The following ZNF587B variants were observed in gnomAD, a reference collection of about 807,000 sequenced individuals.
ZNF587B encodes zinc finger protein 587B.
ZNF587B carries 6 observed loss-of-function variants against 7.2 expected under a neutral mutation model. The ratio of observed to expected loss-of-function variants is 0.83; its 90% CI spans 0.46 to 1.65. The LOEUF is 1.65. Among genes scored for constraint, ZNF587B ranks in the 40% most tolerant of loss-of-function variants. ZNF587B has a pLI of 0.01. For synonymous variants in ZNF587B, 274 were observed against 254.3 expected (o/e 1.08, Z -0.74); for missense variants, 749 against 761.0 (o/e 0.98, Z 0.19).
At chr19:57,836,611 C>T (rs1988617350) in intron 1 of ZNF587B, among the ~76,000 whole-genome samples, 1 of 152,150 alleles carries the variant, frequency 6.6e-6, no homozygotes, top group Non-Finnish European at 1.5e-5. Flanking sequence ...CCACTTCGAC[C>T]TCTCAGAGTG....
At position 57,843,860 on chromosome 19, in the gene ZNF587B, A is replaced by G. The variant is rs1319554032; in HGVS notation, c.*1284A>G. ...CGTGATCCACCTGCCTTGGCCTCCC[A>G]AAGTGCTGGGATTACAGTGTGAGCC... is the stretch of plus-strand genomic sequence containing the variant. On this transcript the variant is annotated 3_prime_UTR_variant, in exon 3 of 3. Coordinates refer to ENST00000594901, the MANE Select transcript of ZNF587B (RefSeq NM_001376223.1). Among the ~76,000 whole-genome samples, 1 of 151,972 alleles carries G rather than the reference A, an allele frequency of 6.6e-6. No homozygotes were observed. Among genetic ancestry groups the G allele is most frequent in the African/African-American group, 2.4e-5 (1 of 41,392 alleles).
At position 57,841,305 on chromosome 19, in the gene ZNF587B, G is replaced by T. The variant is rs754356305; in HGVS notation, c.631G>T (p.Gly211Ter). 6.2e-7 allele frequency: 1 copy of T among 1,613,650 alleles called. No individual in the cohort carries two copies. Among genetic ancestry groups the T allele is most frequent in the Non-Finnish European group, 8.5e-7 (1 of 1,179,780 alleles). Residue 211 changes from glycine (G) to a stop codon, truncating the protein, a stop_gained, in exon 3 of 3, where the codon GGA becomes TGA. Coordinates refer to ENST00000594901, the MANE Select transcript of ZNF587B (RefSeq NM_001376223.1). LOFTEE classifies it low-confidence loss of function (END_TRUNC). ...GTGTGTGTCTCCCTTTCAGTGTGGG[G>T]GAGCTCACTATAGCCATGGAGATTC... ...TECVSPFQCG[G>*]AHYSHGDSMK...
rs745311392 is a variant in ZNF587B, at chr19:57,839,024, G to C, written c.38G>C (p.Gly13Ala). ...TTTCATCTGTCAACATCATAACAGG[G>C]CACAGTGACTTTTGAAGACGTGGCT... Reference protein sequence around the residue: ...VVATLRLSAQGTVTFEDVAVK... With the variant: ...VVATLRLSAQATVTFEDVAVK... The change falls in exon 2 of 3, where the codon GGC becomes GCC. Residue 13 changes from glycine (G) to alanine (A), a missense_variant and splice_region_variant. Gly to Ala is a moderately conservative substitution (Grantham distance 60). Transcript: ENST00000594901. 25 of 1,613,822 alleles carry C rather than the reference G, an allele frequency of 1.5e-5. No homozygotes were observed. The highest frequency in any genetic ancestry group is 1.6e-4 in the Middle Eastern group (1 of 6,084).
At position 57,838,892 on chromosome 19, in the gene ZNF587B, A is replaced by G. The variant is rs1988733884; in HGVS notation, c.37-131A>G. On this transcript the variant is annotated intron_variant, in intron 1 of 2. Coordinates refer to ENST00000594901, the MANE Select transcript of ZNF587B (RefSeq NM_001376223.1). ...TTGTTGGTGGCTGTACCCCATGACC[A>G]GTGGGCCTAGTTTCTCCTATGTTTG... The G allele has an allele frequency of 3.7e-6, 5 of 1,348,578 alleles. No homozygotes were observed. In the South Asian group the frequency reaches 6.8e-5, roughly 18 times the overall value. The allele number at this position is 1,348,578 out of a possible 1,614,324, so 83.5% of individuals were successfully genotyped here.
chr19:57,842,446 C>T lies in ZNF587B; in HGVS notation c.1772C>T (p.Ser591Phe), dbSNP rs1988898944. ...TGTGGGAAATCTTTTGCTGGAATCT[C>T]CAGTCTCACTAATCACAGGAGAGTT... The part of the protein sequence containing the change: ...SECGKSFAGI[S>F]SLTNHRRVHT... Residue 591 changes from serine (S) to phenylalanine (F), a missense_variant, in exon 3 of 3, where the codon TCC (serine) becomes TTC (phenylalanine). By Grantham distance (155) the Ser-to-Phe change is radical. This residue lies in a region of ZNF587B where 656 missense variants were observed against 596.5 expected (regional missense o/e 1.10). Transcript: ENST00000594901. 4 of 1,602,722 alleles carry T rather than the reference C, an allele frequency of 2.5e-6. No homozygotes were observed. Among genetic ancestry groups the T allele is most frequent in the South Asian group, 1.1e-5 (1 of 89,068 alleles).
chr19:57,842,407 A>C lies in ZNF587B; in HGVS notation c.1733A>C (p.Tyr578Ser). ...AGAGTTCACACTGGTCAGAAGCCTT[A>C]TGAGTGCAGTGAATGTGGGAAATCT... Reference protein sequence around the residue: ...HRRVHTGQKPYECSECGKSFA... With the variant: ...HRRVHTGQKPSECSECGKSFA... The change falls in exon 3 of 3, where the codon TAT (tyrosine) becomes TCT (serine). Residue 578 changes from tyrosine (Y) to serine (S), a missense_variant. By Grantham distance (144) the Tyr-to-Ser change is moderately radical. This residue lies in a region of ZNF587B where 656 missense variants were observed against 596.5 expected (regional missense o/e 1.10). Coordinates refer to ENST00000594901, the MANE Select transcript of ZNF587B (RefSeq NM_001376223.1). The C allele has an allele frequency of 7.5e-6, 12 of 1,600,892 alleles. No individual in the cohort carries two copies. The highest frequency in any genetic ancestry group is 1.0e-5 in the Non-Finnish European group (12 of 1,174,688).
In ZNF587B at chr19:57,841,618, G is replaced by T; in HGVS notation, c.944G>T (p.Arg315Leu). 4.4e-6 allele frequency: 7 copies of T among 1,588,208 alleles called. No homozygotes were observed. Among genetic ancestry groups the T allele is most frequent in the Non-Finnish European group, 6.0e-6 (7 of 1,167,080 alleles). Reference protein sequence around the residue: ...KYFSLEGYLRRHQKVHAGKGP... With the variant: ...KYFSLEGYLRLHQKVHAGKGP... ...TTTAGCTTAGAAGGATATCTTAGGCGCCATCAAAAAGTTCACGCTGGAAAA... is the reference window on the plus strand; with the variant it reads ...TTTAGCTTAGAAGGATATCTTAGGCTCCATCAAAAAGTTCACGCTGGAAAA... The change falls in exon 3 of 3, where the codon CGC (arginine) becomes CTC (leucine). Residue 315 changes from arginine (R) to leucine (L), a missense_variant. Arg to Leu is a moderately radical substitution (Grantham distance 102). Around this residue, in one of 3 missense-constraint regions of ZNF587B, gnomAD observed 656 missense variants for 596.5 expected, o/e 1.10. Coordinates refer to ENST00000594901, the MANE Select transcript of ZNF587B (RefSeq NM_001376223.1).
intron 1 of ZNF587B, among the ~76,000 whole-genome samples, chr19:57,831,215 C>G (rs1405295981): frequency 2.6e-5 from 4 of 152,086 alleles, no homozygotes; most frequent in Non-Finnish European, 4.4e-5. Flanking sequence ...CTGTCTGGCT[C>G]TCTTATGTAA....
Position 57,844,355 on chromosome 19 carries a change from T to C in ZNF587B, c.*1779T>C, listed in dbSNP as rs771514574. On this transcript the variant is annotated 3_prime_UTR_variant, in exon 3 of 3. Transcript: ENST00000594901. ...CTGTCTCTTCTAAAAATATAAAAATTAGCCGGGCATGGTGGCGCACCTGTA... is the reference window on the plus strand; with the variant it reads ...CTGTCTCTTCTAAAAATATAAAAATCAGCCGGGCATGGTGGCGCACCTGTA... 1.8e-5 allele frequency: 5 copies of C among 278,968 alleles called. No homozygotes were observed. The highest frequency in any genetic ancestry group is 1.0e-4 in the Admixed American group (2 of 19,746). 17.3% of individuals were successfully genotyped at this position (278,968 alleles called of 1,614,324 possible). A position where few individuals can be genotyped will look rare whatever the true frequency, so the allele number is the denominator to read the frequency against.
chr19:57,841,643 A>G lies in ZNF587B; in HGVS notation c.969A>G (p.Lys323=), dbSNP rs368797077. The change falls in exon 3 of 3, where the codon AAA becomes AAG. Residue 323 remains lysine, a synonymous_variant. Coordinates refer to ENST00000594901, the MANE Select transcript of ZNF587B (RefSeq NM_001376223.1). ...LRRHQKVHAG[K]GPYECGECGK... is the part of the protein sequence containing the mutation. ...GCCATCAAAAAGTTCACGCTGGAAA[A>G]GGGCCTTATGAGTGTGGAGAATGTG... 23 of 1,600,198 alleles carry G rather than the reference A, an allele frequency of 1.4e-5. No homozygotes were observed. The African/African-American group carries it at 3.1e-4, about 21-fold the overall frequency.
At position 57,830,409 on chromosome 19, in the gene ZNF587B, C is replaced by T; in HGVS notation, c.-120C>T. The T allele has an allele frequency of 1.8e-6, 2 of 1,092,604 alleles. No individual in the cohort carries two copies. Among genetic ancestry groups the T allele is most frequent in the East Asian group, 2.6e-5 (1 of 38,622 alleles). 67.7% of individuals were successfully genotyped at this position (1,092,604 alleles called of 1,614,324 possible). On this transcript the variant is annotated 5_prime_UTR_variant, in exon 1 of 3. Transcript: ENST00000594901. ...TGTCCTCTGCTGCACAGAGGCGACTCTGGAGCTCTGTGACGGCGCCAAGCG... is the reference window on the plus strand; with the variant it reads ...TGTCCTCTGCTGCACAGAGGCGACTTTGGAGCTCTGTGACGGCGCCAAGCG...
At chr19:57,831,543 C>T (rs1291100342) in intron 1 of ZNF587B, among the ~76,000 whole-genome samples, 1 of 151,696 alleles carries the variant, frequency 6.6e-6, no homozygotes, top group Non-Finnish European at 1.5e-5. Flanking sequence ...CAGGCATGCG[C>T]CACTGCACCT....
chr19:57,831,866 G>T (rs540662800), intron 1 of ZNF587B, among the ~76,000 whole-genome samples: 61 of 151,626 alleles, frequency 4.0e-4, no homozygotes, highest in African/African-American at 1.4e-3. Flanking sequence ...CACCATGCCC[G>T]GCTAATTTTT....
At position 57,844,669 on chromosome 19, in the gene ZNF587B, G is replaced by C. The variant is rs1462851966; in HGVS notation, c.*2093G>C. The C allele has an allele frequency of 6.6e-6, 1 of 152,624 alleles. No homozygotes were observed. Among genetic ancestry groups the C allele is most frequent in the Non-Finnish European group, 1.5e-5 (1 of 68,314 alleles). 9.5% of individuals were successfully genotyped at this position (152,624 alleles called of 1,614,324 possible). A position where few individuals can be genotyped will look rare whatever the true frequency, so the allele number is the denominator to read the frequency against. ...GATTGTGGGTTCATAGGTCAGCTGG[G>C]TACAGGGCAGTTTTTATAACAACCT... On this transcript the variant is annotated 3_prime_UTR_variant, in exon 3 of 3. Transcript: ENST00000594901.
chr19:57,834,865 A>C (rs1388220291), intron 1 of ZNF587B, among the ~76,000 whole-genome samples: 14 of 136,820 alleles, frequency 1.0e-4, no homozygotes, highest in African/African-American at 3.2e-4. Context: ...AAGAAAAAAA[A>C]AAGGTGTTCT....
rs960517021 is a variant in ZNF587B, at chr19:57,840,991, A to G, written c.317A>G (p.His106Arg). The change falls in exon 3 of 3, where the codon CAT (histidine) becomes CGT (arginine). Residue 106 changes from histidine (H) to arginine (R), a missense_variant. His to Arg is a conservative substitution (Grantham distance 29). Coordinates refer to ENST00000594901, the MANE Select transcript of ZNF587B (RefSeq NM_001376223.1). ...GGCCCGATCTTGGGAGACATTTTGC[A>G]TGTGGCAGATCATCAGGGAACACAT... is the stretch of plus-strand genomic sequence containing the variant. Reference protein sequence around the residue: ...MCGPILGDILHVADHQGTHHK... With the variant: ...MCGPILGDILRVADHQGTHHK... 1.9e-6 allele frequency: 3 copies of G among 1,600,928 alleles called. No individual in the cohort carries two copies. The highest frequency in any genetic ancestry group is 2.7e-5 in the African/African-American group (2 of 74,236).
rs540081657 is a variant in ZNF587B, at chr19:57,843,708, TCTC to T, written c.*1135_*1137del. ...CCTCTGCCTCCTGAGTTCAAGCAAT[TCTC>T]CTTTCTCAGCCTCCTGAGTAGCTGG... On this transcript the variant is annotated 3_prime_UTR_variant, in exon 3 of 3. Coordinates refer to ENST00000594901, the MANE Select transcript of ZNF587B (RefSeq NM_001376223.1). 5.5e-4 allele frequency: 242 copies of T among 436,252 alleles called. No homozygotes were observed. The highest frequency in any genetic ancestry group is 5.2e-3 in the African/African-American group (238 of 45,688). 27.0% of individuals were successfully genotyped at this position (436,252 alleles called of 1,614,324 possible). A position where few individuals can be genotyped will look rare whatever the true frequency, so the allele number is the denominator to read the frequency against.
rs1179426690 is a variant in ZNF587B at position 57,835,350 on chromosome 19, T to C, written c.37-3673T>C. Among the ~76,000 whole-genome samples the C allele has an allele frequency of 5.4e-5, 7 of 128,832 alleles. 1 individual carries two copies. Among genetic ancestry groups the C allele is most frequent in the Admixed American group, 7.8e-5 (1 of 12,860 alleles). 84.5% of individuals were successfully genotyped at this position (128,832 alleles called of 152,430 possible). A position where few individuals can be genotyped will look rare whatever the true frequency, so the allele number is the denominator to read the frequency against. ...GGTTTCAGGTATGACGCTGGGGGTT[T>C]TTTGTTTTTGCTTTTTTTTTTTTTT... On this transcript the variant is annotated intron_variant, in intron 1 of 2. Coordinates refer to ENST00000594901, the MANE Select transcript of ZNF587B (RefSeq NM_001376223.1).
In ZNF587B at chr19:57,841,165, A is replaced by T. The variant is rs1221965770; in HGVS notation, c.491A>T (p.His164Leu). The change falls in exon 3 of 3, where the codon CAT (histidine) becomes CTT (leucine). Residue 164 changes from histidine to leucine, a missense_variant. Physicochemically the swap from His to Leu is moderately conservative, Grantham distance 99. Coordinates refer to ENST00000594901, the MANE Select transcript of ZNF587B (RefSeq NM_001376223.1). ...EALFVKRCKL[H>L]VSGESSVFSE... ...TTGTTTGTGAAGAGGTGTAAGTTGC[A>T]TGTGTCAGGGGAGTCATCTGTCTTC... The T allele has an allele frequency of 6.2e-7, 1 of 1,614,212 alleles. No homozygotes were observed. The highest frequency in any genetic ancestry group is 1.1e-5 in the South Asian group (1 of 91,088).
Sources: allele counts gnomAD v4.1 joint callset (sites outside exome capture counted in the v4.1 genomes callset), GRCh38; gene constraint gnomAD v4.1.1; regional missense constraint gnomAD v4.1.1; transcripts MANE v1.5; gene names NCBI Gene and HGNC (gene_info 2026-07-23, HGNC 2026-07-21).